The following CDKAL1 variants were observed in gnomAD, a reference collection of about 807,000 sequenced individuals.
CDKAL1 encodes the protein CDKAL1 threonylcarbamoyladenosine tRNA methylthiotransferase.
Under a neutral mutation model 68.2 loss-of-function variants are expected in CDKAL1, and 32 were observed. The ratio of observed to expected loss-of-function variants is 0.47; its 90% CI spans 0.35 to 0.63. The LOEUF is 0.63. CDKAL1 is among the 30% of genes least tolerant of loss of function. CDKAL1 has a pLI of 0.00. For missense variants in CDKAL1, 606 were observed against 696.7 expected (o/e 0.87, Z 1.47); for synonymous variants, 234 against 244.3 (o/e 0.96, Z 0.39).
intron 15 of CDKAL1, among the ~76,000 whole-genome samples, chr6:21,211,548 G>A (rs1386234333): frequency 6.6e-6 from 1 of 152,152 alleles, no homozygotes; most frequent in Non-Finnish European, 1.5e-5. Context: ...TGTCTCCATG[G>A]TAAGGAAAGA....
At chr6:21,131,412 T>C (rs1775313471) in intron 13 of CDKAL1, among the ~76,000 whole-genome samples, 1 of 152,270 alleles carries the variant, frequency 6.6e-6, no homozygotes, top group African/African-American at 2.4e-5. Context: ...TAGTTCTGTA[T>C]CAGTTTAATT....
At chr6:20,948,477 G>A (rs1389490430) in intron 9 of CDKAL1, among the ~76,000 whole-genome samples, 1 of 152,104 alleles carries the variant, frequency 6.6e-6, no homozygotes, top group African/African-American at 2.4e-5. Flanking sequence ...AAACTATTCT[G>A]TAGCTCTTTG....
At chr6:20,693,989 C>A (rs977977400) in intron 5 of CDKAL1, among the ~76,000 whole-genome samples, 1 of 151,456 alleles carries the variant, frequency 6.6e-6, no homozygotes, top group Non-Finnish European at 1.5e-5. Context: ...CCTCCCACTT[C>A]AGCCTCCCGA....
chr6:21,004,698 C>T (rs1294546213), intron 11 of CDKAL1, among the ~76,000 whole-genome samples: 2 of 152,152 alleles, frequency 1.3e-5, no homozygotes, highest in African/African-American at 2.4e-5. Flanking sequence ...GGTGCAGTGG[C>T]TGACACCTGT....
intron 7 of CDKAL1, among the ~76,000 whole-genome samples, chr6:20,764,672 A>G (rs574705626): frequency 2.4e-4 from 36 of 152,194 alleles, no homozygotes; most frequent in Non-Finnish European, 4.6e-4. Context: ...ACAGAGCTCA[A>G]TGCAGACTTA....
intron 7 of CDKAL1, among the ~76,000 whole-genome samples, chr6:20,776,301 A>G (rs540814332): frequency 7.9e-5 from 12 of 152,322 alleles, no homozygotes; most frequent in African/African-American, 2.6e-4. Flanking sequence ...CTCTTCATTA[A>G]CTGGGCTTTT....
chr6:21,045,425 GT>G (rs952849835), intron 11 of CDKAL1, among the ~76,000 whole-genome samples: 1 of 152,140 alleles, frequency 6.6e-6, no homozygotes. Context: ...AACAAGATGT[GT>G]TTGTTTTCTC....
chr6:21,205,020 C>T (rs1778842432), intron 15 of CDKAL1, among the ~76,000 whole-genome samples: 1 of 152,136 alleles, frequency 6.6e-6, no homozygotes, highest in Non-Finnish European at 1.5e-5. Context: ...CTTTTGGTAC[C>T]TCATATCAGT....
intron 5 of CDKAL1, among the ~76,000 whole-genome samples, chr6:20,653,922 T>C (rs1348164048): frequency 2.0e-5 from 3 of 152,132 alleles, no homozygotes; most frequent in Non-Finnish European, 4.4e-5. Flanking sequence ...ATTTTTTATA[T>C]TTTTAGTAGA....
chr6:20,638,607 T>C (rs910381219), intron 4 of CDKAL1, among the ~76,000 whole-genome samples: 1 of 123,978 alleles, frequency 8.1e-6, no homozygotes, highest in Admixed American at 9.9e-5. Context: ...AGTATCTTAT[T>C]AGAGATTCTT....
At chr6:21,137,569 A>T (rs567621285) in intron 13 of CDKAL1, among the ~76,000 whole-genome samples, 8 of 152,316 alleles carry the variant, frequency 5.3e-5, no homozygotes, top group Non-Finnish European at 8.8e-5. Context: ...ATTTAGGGAC[A>T]TTTTAAGAAG....
At chr6:20,842,868 T>A (rs958289055) in intron 8 of CDKAL1, among the ~76,000 whole-genome samples, 4 of 152,136 alleles carry the variant, frequency 2.6e-5, no homozygotes, top group African/African-American at 9.7e-5. Flanking sequence ...AATTATCATG[T>A]CAACAACTAT....
rs1195338825 is a variant in CDKAL1 at position 20,535,412 on chromosome 6, A to G, written c.-6+18A>G. On this transcript the variant is annotated intron_variant, in intron 2 of 15. Coordinates refer to ENST00000274695, the MANE Select transcript of CDKAL1 (RefSeq NM_017774.3). Reference sequence around the variant, plus strand: ...TAATTAAGGTACTGATTTATTTTAAACCTTTTATGTTTGAGTGCTGTGCGT... The same window carrying G: ...TAATTAAGGTACTGATTTATTTTAAGCCTTTTATGTTTGAGTGCTGTGCGT... 6.6e-6 allele frequency: 1 copy of G among 152,276 alleles called. No homozygotes were observed. Among genetic ancestry groups the G allele is most frequent in the Non-Finnish European group, 1.5e-5 (1 of 68,026 alleles). The allele number at this position is 152,276 out of a possible 1,614,324, so 9.4% of individuals were successfully genotyped here. A position where few individuals can be genotyped will look rare whatever the true frequency, so the allele number is the denominator to read the frequency against.
chr6:20,899,876 C>T (rs1475688915), intron 9 of CDKAL1, among the ~76,000 whole-genome samples: 3 of 152,130 alleles, frequency 2.0e-5, no homozygotes, highest in Non-Finnish European at 1.5e-5. Context: ...ATTCTCATAA[C>T]TCTGTGAAGT....
At chr6:21,025,086 G>A (rs1391784011) in intron 11 of CDKAL1, among the ~76,000 whole-genome samples, 2 of 152,172 alleles carry the variant, frequency 1.3e-5, no homozygotes, top group Non-Finnish European at 2.9e-5. Flanking sequence ...AGATCCACAG[G>A]CTTTAAAAAT....
intron 11 of CDKAL1, among the ~76,000 whole-genome samples, chr6:21,002,985 C>T (rs149567620): frequency 1.3e-5 from 2 of 150,544 alleles, no homozygotes; most frequent in African/African-American, 2.4e-5. Context: ...TGAGACCTAT[C>T]TCAAAAAATA....
At chr6:20,996,585 T>C (rs1270220920) in intron 10 of CDKAL1, among the ~76,000 whole-genome samples, 1 of 152,214 alleles carries the variant, frequency 6.6e-6, no homozygotes, top group Non-Finnish European at 1.5e-5. Context: ...TGCCATCTTA[T>C]ATGGGCGCGG....
At chr6:21,127,903 CT>C (rs1424763238) in intron 13 of CDKAL1, among the ~76,000 whole-genome samples, 1 of 152,174 alleles carries the variant, frequency 6.6e-6, no homozygotes, top group Non-Finnish European at 1.5e-5. Flanking sequence ...CAAATTATTG[CT>C]TTGCCATTTA....
intron 12 of CDKAL1, among the ~76,000 whole-genome samples, chr6:21,082,874 G>GTTTTTTTTTT (rs71540612): frequency 2.3e-5 from 3 of 129,172 alleles, no homozygotes; most frequent in African/African-American, 2.9e-5. Flanking sequence ...TGTTTCTTTT[G>GTTTTTTTTTT]TTTTTTTTTT....
Sources: gnomAD v4.1 joint callset for allele counts (sites outside exome capture counted in the v4.1 genomes callset) on GRCh38, gnomAD v4.1.1 for gene constraint, MANE v1.5 for transcripts, NCBI Gene and HGNC (gene_info 2026-07-23, HGNC 2026-07-21) for gene names.